Variants in SLC8A3 observed in about 807,000 individuals in gnomAD.
The protein encoded by SLC8A3 is solute carrier family 8 member A3, also known as sodium/calcium exchanger 3.
Under a neutral mutation model 65.4 loss-of-function variants are expected in SLC8A3, and 37 were observed. The observed-to-expected ratio is 0.57, with a 90% CI of 0.44 to 0.74. SLC8A3 has a LOEUF of 0.74. Ranked by LOEUF, SLC8A3 falls within the 30% of genes least tolerant of loss-of-function variation. The pLI is 0.00. For synonymous variants in SLC8A3, 461 were observed against 444.5 expected (o/e 1.04, Z -0.47); for missense variants, 1,112 against 1,172.1 (o/e 0.95, Z 0.75).
intron 2 of SLC8A3, among the ~76,000 whole-genome samples, chr14:70,062,460 C>T (rs535468480): frequency 6.6e-6 from 1 of 152,164 alleles, no homozygotes; most frequent in Non-Finnish European, 1.5e-5. Flanking sequence ...ACACAAATAC[C>T]ATTGTGCTAC....
At chr14:70,094,400 C>T (rs2140075625) in intron 2 of SLC8A3, among the ~76,000 whole-genome samples, 1 of 152,208 alleles carries the variant, frequency 6.6e-6, no homozygotes, top group East Asian at 1.9e-4. Flanking sequence ...AGTTTCCTTT[C>T]CCATCCTTCA....
At position 70,069,284 on chromosome 14, in the gene SLC8A3, G is replaced by A. The variant is rs1197443582; in HGVS notation, c.1785-8345C>T. ...TGGATCTGCCTCTGTATTGTATTGT[G>A]AGTAGGTGGCCTCCTAACCCTTCGG... On this transcript the variant is annotated intron_variant, in intron 2 of 6. Coordinates refer to ENST00000356921, the MANE Select transcript of SLC8A3 (RefSeq NM_182932.3). Among the ~76,000 whole-genome samples, 4 of 152,288 alleles carry A rather than the reference G, an allele frequency of 2.6e-5. No individual in the cohort carries two copies. The East Asian group carries it at 7.7e-4, about 29-fold the overall frequency.
intron 2 of SLC8A3, among the ~76,000 whole-genome samples, chr14:70,079,000 G>A (rs1267724873): frequency 1.3e-5 from 2 of 152,128 alleles, no homozygotes; most frequent in South Asian, 4.1e-4. Context: ...AAGTCATCAG[G>A]CAAGTGATAT....
At chr14:70,140,453 A>G (rs1317530745) in intron 2 of SLC8A3, among the ~76,000 whole-genome samples, 1 of 152,220 alleles carries the variant, frequency 6.6e-6, no homozygotes, top group African/African-American at 2.4e-5. Context: ...ACTCCTGCAG[A>G]ACACTGCCTC....
At chr14:70,147,030 G>A (rs919249016) in intron 2 of SLC8A3, among the ~76,000 whole-genome samples, 5 of 152,192 alleles carry the variant, frequency 3.3e-5, no homozygotes, top group Non-Finnish European at 7.3e-5. Context: ...ATTTCCTCCA[G>A]GAGCAACGCT....
intron 5 of SLC8A3, among the ~76,000 whole-genome samples, chr14:70,050,131 C>T (rs139070458): frequency 1.3e-5 from 2 of 152,184 alleles, no homozygotes; most frequent in Non-Finnish European, 2.9e-5. Context: ...TCAGTCCCCT[C>T]CTTTGTAAAA....
chr14:70,117,176 T>C (rs1255836390), intron 2 of SLC8A3, among the ~76,000 whole-genome samples: 4 of 152,256 alleles, frequency 2.6e-5, no homozygotes, highest in Non-Finnish European at 5.9e-5. Context: ...TGGTGCCCAA[T>C]GTGGCTGCTG....
Position 70,046,028 on chromosome 14 carries a change from T to G in SLC8A3, c.2685A>C (p.Thr895=). 1 of 1,613,846 alleles carries G rather than the reference T, an allele frequency of 6.2e-7. No individual in the cohort carries two copies. Among genetic ancestry groups the G allele is most frequent in the East Asian group, 2.2e-5 (1 of 44,886 alleles). Reference sequence around the variant, plus strand: ...GCCACAGGCTCACAAAGAGCCATGTTGTGGCGAGCTTGCAGCCACGGGGGC... The same window carrying G: ...GCCACAGGCTCACAAAGAGCCATGTGGTGGCGAGCTTGCAGCCACGGGGGC... The part of the protein sequence containing the change: ...LGGPRGCKLA[T]TWLFVSLWLL... The change falls in exon 7 of 7, where the codon ACA becomes ACC. Residue 895 remains threonine (T), a synonymous_variant. Coordinates refer to ENST00000356921, the MANE Select transcript of SLC8A3 (RefSeq NM_182932.3). This position sits in a 1 kb window ranked among gnomAD's most constrained non-coding sequence, Gnocchi z 4.2.
chr14:70,054,358 A>T (rs560674164), intron 3 of SLC8A3, among the ~76,000 whole-genome samples: 1 of 152,364 alleles, frequency 6.6e-6, no homozygotes, highest in Admixed American at 6.5e-5. Flanking sequence ...TTGAAAGGCT[A>T]ATCAGCGCTC....
intron 3 of SLC8A3, 73 bp from the exon 4 acceptor site, chr14:70,052,187 G>C: frequency 6.7e-7 from 1 of 1,501,436 alleles, no homozygotes. Context: ...CAGAGTATTA[G>C]GCATGGGCAG....
At chr14:70,077,935 C>G (rs1046924096) in intron 2 of SLC8A3, among the ~76,000 whole-genome samples, 2 of 152,214 alleles carry the variant, frequency 1.3e-5, no homozygotes, top group African/African-American at 2.4e-5. Context: ...AGCCAATACT[C>G]ATTTCAAGCA....
chr14:70,128,985 C>T (rs1351763911), intron 2 of SLC8A3, among the ~76,000 whole-genome samples: 3 of 152,178 alleles, frequency 2.0e-5, no homozygotes, highest in African/African-American at 4.8e-5. Context: ...CAGGTAGCCA[C>T]GTGTGAGAAG....
intron 1 of SLC8A3, among the ~76,000 whole-genome samples, chr14:70,169,991 T>A (rs1196816259): frequency 6.6e-6 from 1 of 152,146 alleles, no homozygotes; most frequent in East Asian, 1.9e-4. Context: ...CAGGCCACCA[T>A]CACTCCTTAC....
At chr14:70,078,524 A>G (rs1170106366) in intron 2 of SLC8A3, among the ~76,000 whole-genome samples, 1 of 152,176 alleles carries the variant, frequency 6.6e-6, no homozygotes, top group Non-Finnish European at 1.5e-5. Context: ...TTGGATCCAC[A>G]GAAATGCATT....
intron 2 of SLC8A3, among the ~76,000 whole-genome samples, chr14:70,138,607 A>T (rs1473717608): frequency 6.6e-6 from 1 of 152,224 alleles, no homozygotes; most frequent in Admixed American, 6.5e-5. Context: ...AGCTTTGCTG[A>T]CAACAACCAC....
intron 2 of SLC8A3, among the ~76,000 whole-genome samples, chr14:70,065,792 T>G (rs1889356406): frequency 6.6e-6 from 1 of 152,140 alleles, no homozygotes; most frequent in African/African-American, 2.4e-5. Context: ...TTCAGAAAAC[T>G]AGGGAAACTC....
rs10131987 is a variant in SLC8A3, at chr14:70,113,628, T to C, written c.1785-52689A>G. Among the ~76,000 whole-genome samples, 1,520 of 152,318 alleles carry C rather than the reference T, an allele frequency of 1.0e-2. 18 individuals are homozygous for C. The highest frequency in any genetic ancestry group is 0.034 in the African/African-American group (1,420 of 41,576). The stretch of plus-strand genomic sequence containing the variant: ...TATTATTTAGCCATTCTTACCTCAA[T>C]GTTGATCCCTTAACACAGAGAAAAT... On this transcript the variant is annotated intron_variant, in intron 2 of 6. Coordinates refer to ENST00000356921, the MANE Select transcript of SLC8A3 (RefSeq NM_182932.3).
intron 2 of SLC8A3, among the ~76,000 whole-genome samples, chr14:70,121,683 A>G (rs1409723788): frequency 6.6e-6 from 1 of 152,184 alleles, no homozygotes; most frequent in Non-Finnish European, 1.5e-5. Context: ...TCAATCTTCT[A>G]AGGAAAACAA....
chr14:70,086,376 C>CTTTTCTTTTTTCT (rs1280733718), intron 2 of SLC8A3, among the ~76,000 whole-genome samples: 1 of 149,116 alleles, frequency 6.7e-6, no homozygotes, highest in Admixed American at 6.8e-5. Flanking sequence ...TAATTTCTTT[C>CTTTTCTTTTTTCT]TTTTCTTTTT....
Sources: gnomAD v4.1 joint callset for allele counts (sites outside exome capture counted in the v4.1 genomes callset) on GRCh38, gnomAD v4.1.1 for gene constraint, Gnocchi (gnomAD v3.1) non-coding constraint, MANE v1.5 for transcripts, NCBI Gene and HGNC (gene_info 2026-07-23, HGNC 2026-07-21) for gene names.